ADCY2: variants seen among roughly 807,000 people sequenced by gnomAD.
The protein encoded by ADCY2 is adenylate cyclase type 2.
A neutral mutation model predicts 125.2 loss-of-function variants in ADCY2; 31 were observed. The ratio of observed to expected loss-of-function variants is 0.25; its 90% CI spans 0.19 to 0.33. ADCY2 has a LOEUF of 0.33. Ranked by LOEUF, ADCY2 falls within the 10% of genes least tolerant of loss-of-function variation. ADCY2 has a pLI of 1.00. For missense variants in ADCY2, 904 were observed against 1,418.2 expected, an observed-to-expected ratio of 0.64 and a Z score of 5.82; for synonymous variants, 512 against 548.4, an observed-to-expected ratio of 0.93 and a Z score of 0.93.
At chr5:7,723,100 A>G (rs1043808532) in intron 12 of ADCY2, among the ~76,000 whole-genome samples, 3 of 119,608 alleles carry the variant, frequency 2.5e-5, no homozygotes, top group Non-Finnish European at 5.2e-5. Flanking sequence ...AGAGATGAGA[A>G]CACACGGACA....
chr5:7,546,891 C>T (rs1352752521), intron 3 of ADCY2, among the ~76,000 whole-genome samples: 3 of 152,174 alleles, frequency 2.0e-5, no homozygotes, highest in Admixed American at 6.5e-5. Flanking sequence ...CTTAGAGAAA[C>T]CTTACTTTAT....
At chr5:7,591,666 C>A (rs778669151) in intron 3 of ADCY2, among the ~76,000 whole-genome samples, 3 of 152,086 alleles carry the variant, frequency 2.0e-5, no homozygotes, top group Non-Finnish European at 4.4e-5. Flanking sequence ...AGTGGGGCAC[C>A]ACATCTCAGC....
chr5:7,421,885 A>G (rs1269516923), intron 2 of ADCY2, among the ~76,000 whole-genome samples: 1 of 152,234 alleles, frequency 6.6e-6, no homozygotes, highest in Non-Finnish European at 1.5e-5. Context: ...AAGGAATTAG[A>G]GACGTTCTTG....
intron 3 of ADCY2, among the ~76,000 whole-genome samples, chr5:7,546,266 T>G (rs773450817): frequency 6.6e-6 from 1 of 152,226 alleles, no homozygotes; most frequent in African/African-American, 2.4e-5. Flanking sequence ...AGAGTTGGCT[T>G]TGAATGAATG....
chr5:7,655,256 T>C (rs368059005), intron 4 of ADCY2, among the ~76,000 whole-genome samples: 3 of 152,196 alleles, frequency 2.0e-5, no homozygotes, highest in African/African-American at 7.2e-5. Flanking sequence ...TCTGAATGTT[T>C]TTAGGACTGT....
In ADCY2 at chr5:7,459,772, ATTTTTTTTTTTTTTTTT is replaced by A. The variant is rs3033085; in HGVS notation, c.408+45019_408+45035del. The stretch of plus-strand genomic sequence containing the variant: ...GAACTATCTAGCAGTTTAAGAGGTA[ATTTTTTTTTTTTTTTTT>A]TTTTTTTTTTTTTTTTGACGGGAGT... On this transcript the variant is annotated intron_variant, in intron 2 of 24. Transcript: ENST00000338316. Among the ~76,000 whole-genome samples the A allele has an allele frequency of 1.8e-4, 13 of 72,864 alleles. No homozygotes were observed. In the South Asian group the frequency reaches 1.8e-3, roughly 10 times the overall value. 47.8% of individuals were successfully genotyped at this position (72,864 alleles called of 152,430 possible).
intron 4 of ADCY2, among the ~76,000 whole-genome samples, chr5:7,681,737 C>A (rs1740346556): frequency 6.6e-6 from 1 of 152,008 alleles, no homozygotes; most frequent in Admixed American, 6.6e-5. Context: ...GTACTCGCCC[C>A]AAGAGCAGTT....
intron 16 of ADCY2, 142 bp downstream of exon 16, chr5:7,757,728 T>G: frequency 8.1e-7 from 1 of 1,231,238 alleles, no homozygotes; most frequent in South Asian, 2.1e-5. Context: ...AGCCCCGGGG[T>G]GAGTCAGGGC....
chr5:7,668,024 A>G (rs976374347), intron 4 of ADCY2, among the ~76,000 whole-genome samples: 1 of 152,228 alleles, frequency 6.6e-6, no homozygotes, highest in Non-Finnish European at 1.5e-5. Flanking sequence ...TTTCAACACA[A>G]ACAACTCCAG....
chr5:7,623,886 G>C (rs1458267730), intron 3 of ADCY2, among the ~76,000 whole-genome samples: 1 of 152,080 alleles, frequency 6.6e-6, no homozygotes, highest in Non-Finnish European at 1.5e-5. Flanking sequence ...ACCACACACA[G>C]ACCACACACA....
chr5:7,826,874 A>G lies in ADCY2; in HGVS notation c.*3A>G. The G allele has an allele frequency of 6.3e-7, 1 of 1,596,102 alleles. No individual in the cohort carries two copies. The highest frequency in any genetic ancestry group is 8.5e-7 in the Non-Finnish European group (1 of 1,173,656). Reference sequence around the variant, plus strand: ...CCCAGAGCAACGTGGCATCCTGAAGAGTCACCTTCATTTTGGCAAGAAGAC... The same window carrying G: ...CCCAGAGCAACGTGGCATCCTGAAGGGTCACCTTCATTTTGGCAAGAAGAC... On this transcript the variant is annotated 3_prime_UTR_variant, in exon 25 of 25. Transcript: ENST00000338316.
intron 4 of ADCY2, among the ~76,000 whole-genome samples, chr5:7,674,349 G>T (rs901903678): frequency 2.6e-5 from 4 of 152,122 alleles, no homozygotes; most frequent in Non-Finnish European, 5.9e-5. Context: ...GCTTTGAGGC[G>T]GGCAGAGGGA....
At chr5:7,460,075 G>A (rs909138963) in intron 2 of ADCY2, among the ~76,000 whole-genome samples, 7 of 151,660 alleles carry the variant, frequency 4.6e-5, no homozygotes, top group Non-Finnish European at 7.4e-5. Flanking sequence ...TGTGAGCCAC[G>A]GTGCCCAGCT....
rs150855051 is a variant in ADCY2, at chr5:7,568,192, C to A, written c.570+47293C>A. Among the ~76,000 whole-genome samples, 828 of 152,264 alleles carry A rather than the reference C, an allele frequency of 5.4e-3. 10 individuals are homozygous for A. The highest frequency in any genetic ancestry group is 0.01 in the Middle Eastern group (3 of 294). On this transcript the variant is annotated intron_variant, in intron 3 of 24. Coordinates refer to ENST00000338316, the MANE Select transcript of ADCY2 (RefSeq NM_020546.3). ...CTTTTATTCACACACATTTCTCCAG[C>A]AGCATTTATTTCATAGCCAGTTCAT...
In ADCY2 at chr5:7,712,840, T is replaced by C. The variant is rs187824130; in HGVS notation, c.1579-16T>C. Reference sequence around the variant, plus strand: ...AAACATGTTTTGACAATTAATAACCTTTTTTCTCAATATAGGATGTACCCA... The same window carrying C: ...AAACATGTTTTGACAATTAATAACCCTTTTTCTCAATATAGGATGTACCCA... On this transcript the variant is annotated splice_polypyrimidine_tract_variant and intron_variant, in intron 10 of 24. Transcript: ENST00000338316. 41 of 1,585,646 alleles carry C rather than the reference T, an allele frequency of 2.6e-5. No individual in the cohort carries two copies. The highest frequency in any genetic ancestry group is 3.3e-5 in the Non-Finnish European group (38 of 1,157,564).
intron 14 of ADCY2, among the ~76,000 whole-genome samples, chr5:7,728,048 T>A (rs1326171816): frequency 6.6e-6 from 1 of 152,144 alleles, no homozygotes; most frequent in East Asian, 1.9e-4. Context: ...TAGATTTTTT[T>A]TTCCTTCTGA....
chr5:7,451,792 T>C (rs1313817151), intron 2 of ADCY2, among the ~76,000 whole-genome samples: 1 of 152,194 alleles, frequency 6.6e-6, no homozygotes, highest in Non-Finnish European at 1.5e-5. Flanking sequence ...TCAATAGCTT[T>C]AGGGGTACCA....
chr5:7,443,417 C>A (rs1056171962), intron 2 of ADCY2, among the ~76,000 whole-genome samples: 2 of 151,816 alleles, frequency 1.3e-5, no homozygotes, highest in Non-Finnish European at 2.9e-5. Flanking sequence ...CTTTGGGAGG[C>A]CGAGGCGGGT....
intron 18 of ADCY2, among the ~76,000 whole-genome samples, chr5:7,782,758 T>C (rs1226385243): frequency 6.6e-6 from 1 of 152,206 alleles, no homozygotes; most frequent in Non-Finnish European, 1.5e-5. Flanking sequence ...ATGAGCATGG[T>C]CAATATAGGG....
Sources: gnomAD v4.1 joint callset for allele counts (sites outside exome capture counted in the v4.1 genomes callset) on GRCh38, gnomAD v4.1.1 for gene constraint, MANE v1.5 for transcripts, NCBI Gene and HGNC (gene_info 2026-07-23, HGNC 2026-07-21) for gene names.